Variants in GMDS observed in about 807,000 individuals in gnomAD.
GMDS encodes the protein GDP-mannose 4,6 dehydratase.
A neutral mutation model predicts 49.9 loss-of-function variants in GMDS; 20 were observed. That is an observed-to-expected ratio of 0.40 (90% CI 0.28 to 0.58). The LOEUF (loss-of-function observed/expected upper bound fraction) is 0.58, where lower values mean the gene tolerates loss of function less well. Among genes scored for constraint, GMDS ranks in the 20% least tolerant of loss-of-function variants. The pLI, the probability that GMDS is intolerant of heterozygous loss-of-function variation, is 0.42. For missense variants in GMDS, 362 were observed against 481.4 expected (o/e 0.75, Z 2.32); for synonymous variants, 177 against 178.6 (o/e 0.99, Z 0.07).
At chr6:2,162,790 G>C (rs190354615) in intron 1 of GMDS, among the ~76,000 whole-genome samples, 4 of 151,694 alleles carry the variant, frequency 2.6e-5, no homozygotes, top group Non-Finnish European at 5.9e-5. Context: ...GTGGCCCTGG[G>C]TTGAGAGGAG....
At chr6:1,849,237 T>G (rs1757548396) in intron 7 of GMDS, among the ~76,000 whole-genome samples, 1 of 152,250 alleles carries the variant, frequency 6.6e-6, no homozygotes, top group Admixed American at 6.5e-5. Flanking sequence ...TGGAGGCCAA[T>G]GCTAGATGCT....
At chr6:2,002,290 C>T (rs930538538) in intron 4 of GMDS, among the ~76,000 whole-genome samples, 20 of 152,138 alleles carry the variant, frequency 1.3e-4, no homozygotes, top group African/African-American at 4.6e-4. Flanking sequence ...GCTCCTTTAT[C>T]CTATTGGAAG....
intron 1 of GMDS, among the ~76,000 whole-genome samples, chr6:2,189,467 A>G (rs1317368892): frequency 6.6e-6 from 1 of 152,222 alleles, no homozygotes; most frequent in East Asian, 1.9e-4. Context: ...TATGACCATC[A>G]GAATCAGCTG....
intron 7 of GMDS, among the ~76,000 whole-genome samples, chr6:1,875,998 A>G (rs746161432): frequency 1.8e-4 from 27 of 148,932 alleles, no homozygotes; most frequent in Non-Finnish European, 3.1e-4. Flanking sequence ...AGCCTGGGCA[A>G]CGAGAGAGCA....
At chr6:1,732,922 G>T (rs1277502476) in intron 8 of GMDS, among the ~76,000 whole-genome samples, 3 of 152,204 alleles carry the variant, frequency 2.0e-5, no homozygotes, top group Admixed American at 6.5e-5. Context: ...AGTAGCAGAT[G>T]TGAGTGACAA....
chr6:2,024,698 A>G (rs1046535384), intron 4 of GMDS, among the ~76,000 whole-genome samples: 2 of 152,084 alleles, frequency 1.3e-5, no homozygotes, highest in Non-Finnish European at 2.9e-5. Context: ...CAAAAGCAAG[A>G]AAGAAAAGAG....
At chr6:1,912,238 C>T (rs1019445682) in intron 7 of GMDS, among the ~76,000 whole-genome samples, 6 of 152,024 alleles carry the variant, frequency 3.9e-5, no homozygotes, top group South Asian at 2.1e-4. Flanking sequence ...CGGTGGCGGG[C>T]GCCTGTAATC....
At chr6:1,651,885 G>A (rs1485958481) in intron 9 of GMDS, among the ~76,000 whole-genome samples, 1 of 152,078 alleles carries the variant, frequency 6.6e-6, no homozygotes, top group Non-Finnish European at 1.5e-5. Flanking sequence ...GTTTTTCAAG[G>A]GTGCTTTAGA....
chr6:2,008,199 T>C (rs552579434), intron 4 of GMDS, among the ~76,000 whole-genome samples: 13 of 152,332 alleles, frequency 8.5e-5, no homozygotes, highest in Admixed American at 3.3e-4. Flanking sequence ...AGTATCCATA[T>C]TAGTTCTTCC....
intron 9 of GMDS, among the ~76,000 whole-genome samples, chr6:1,715,904 T>C (rs960257300): frequency 3.3e-5 from 5 of 152,228 alleles, no homozygotes; most frequent in African/African-American, 1.2e-4. Context: ...TTCAATACCT[T>C]AGTAACTTGC....
At chr6:1,691,535 G>A (rs62388305) in intron 9 of GMDS, among the ~76,000 whole-genome samples, 19,707 of 152,110 alleles carry the variant, frequency 0.13, 1,708 homozygotes, top group Non-Finnish European at 0.18. Context: ...TAAAAATAAA[G>A]TGATCTTAGA....
chr6:1,658,902 C>T (rs953049995), intron 9 of GMDS, among the ~76,000 whole-genome samples: 8 of 152,216 alleles, frequency 5.3e-5, no homozygotes, highest in Non-Finnish European at 1.0e-4. Flanking sequence ...AATACCTGAA[C>T]GGCTCTCACA....
At chr6:2,068,380 A>G (rs1205993487) in intron 4 of GMDS, among the ~76,000 whole-genome samples, 355 of 151,338 alleles carry the variant, frequency 2.3e-3, no homozygotes, top group African/African-American at 7.4e-3. Flanking sequence ...CTCTCTCACC[A>G]CTCCTATTCA....
chr6:1,788,880 T>C (rs1416708214), intron 7 of GMDS, among the ~76,000 whole-genome samples: 1 of 152,246 alleles, frequency 6.6e-6, no homozygotes, highest in Non-Finnish European at 1.5e-5. Context: ...GCTACCCACC[T>C]GGAGTTAGGA....
chr6:2,078,799 A>G (rs1452558602), intron 4 of GMDS, among the ~76,000 whole-genome samples: 2 of 152,016 alleles, frequency 1.3e-5, no homozygotes, highest in Admixed American at 1.3e-4. Flanking sequence ...CAGTTTAAAT[A>G]AAAGTTTATA....
At chr6:1,797,588 CACATT>C (rs1393883133) in intron 7 of GMDS, among the ~76,000 whole-genome samples, 1 of 152,216 alleles carries the variant, frequency 6.6e-6, no homozygotes, top group Non-Finnish European at 1.5e-5. Flanking sequence ...CAAAGCTACA[CACATT>C]AATGTGTTTA....
At chr6:1,898,442 T>C (rs1980713) in intron 7 of GMDS, among the ~76,000 whole-genome samples, 2 of 152,016 alleles carry the variant, frequency 1.3e-5, no homozygotes, top group African/African-American at 4.8e-5. Context: ...ACAAGTGATG[T>C]GATTACAGTC....
intron 1 of GMDS, among the ~76,000 whole-genome samples, chr6:2,173,282 A>G (rs1778109680): frequency 6.6e-6 from 1 of 152,252 alleles, no homozygotes; most frequent in Non-Finnish European, 1.5e-5. Context: ...CAAAAAGAGC[A>G]GGAGGGTAGA....
chr6:2,007,077 T>G (rs1189013800), intron 4 of GMDS, among the ~76,000 whole-genome samples: 1 of 152,162 alleles, frequency 6.6e-6, no homozygotes, highest in Non-Finnish European at 1.5e-5. Context: ...AACAAATTAC[T>G]CTAGAAAACA....
Sources: allele counts gnomAD v4.1 joint callset (sites outside exome capture counted in the v4.1 genomes callset), GRCh38; gene constraint gnomAD v4.1.1; transcripts MANE v1.5; gene names NCBI Gene and HGNC (gene_info 2026-07-23, HGNC 2026-07-21).